FBXO11: variants seen among roughly 807,000 people sequenced by gnomAD.
FBXO11 encodes the protein F-box only protein 11.
A neutral mutation model predicts 117.0 loss-of-function variants in FBXO11; 13 were observed. The ratio of observed to expected loss-of-function variants is 0.11; its 90% CI spans 0.07 to 0.18. FBXO11 has a LOEUF of 0.18. Ranked by LOEUF, FBXO11 falls within the 10% of genes least tolerant of loss-of-function variation. FBXO11 has a pLI of 1.00. For synonymous variants in FBXO11, 490 were observed against 380.5 expected, an observed-to-expected ratio of 1.29 and a Z score of -3.35; for missense variants, 767 against 1,164.4, an observed-to-expected ratio of 0.66 and a Z score of 4.97.
At chr2:47,830,267 A>G (rs1472128063) in intron 11 of FBXO11, among the ~76,000 whole-genome samples, 2 of 152,194 alleles carry the variant, frequency 1.3e-5, no homozygotes, top group African/African-American at 2.4e-5. Flanking sequence ...ACAATAGAAA[A>G]ATGTCTACAG....
At chr2:47,854,515 A>G (rs1213979717) in intron 1 of FBXO11, among the ~76,000 whole-genome samples, 1 of 151,994 alleles carries the variant, frequency 6.6e-6, no homozygotes, top group Non-Finnish European at 1.5e-5. Flanking sequence ...TAAATAAATA[A>G]ATAAATAATA....
At chr2:47,863,202 T>A (rs1674925443) in intron 1 of FBXO11, among the ~76,000 whole-genome samples, 2 of 152,174 alleles carry the variant, frequency 1.3e-5, no homozygotes, top group South Asian at 4.1e-4. Flanking sequence ...TTAGGTTAGC[T>A]CAACATATAG....
chr2:47,846,020 T>A (rs1673380027), intron 1 of FBXO11, among the ~76,000 whole-genome samples: 1 of 152,056 alleles, frequency 6.6e-6, no homozygotes, highest in Admixed American at 6.6e-5. Context: ...AAAACAGACT[T>A]AGCATACATG....
At chr2:47,849,700 G>C (rs192340809) in intron 1 of FBXO11, among the ~76,000 whole-genome samples, 82 of 152,294 alleles carry the variant, frequency 5.4e-4, no homozygotes, top group African/African-American at 1.9e-3. Flanking sequence ...GGGTATTGGT[G>C]TAAGATTTTC....
chr2:47,841,509 G>A lies in FBXO11; in HGVS notation c.233-1740C>T, dbSNP rs1317501880. On this transcript the variant is annotated intron_variant, in intron 1 of 22. Coordinates refer to ENST00000403359, the MANE Select transcript of FBXO11 (RefSeq NM_001190274.2). ...GGCCAAAAACATCAAACCTGAATCCGATCAAACCTGTAAGAAACTCTACAG... is the reference window on the plus strand; with the variant it reads ...GGCCAAAAACATCAAACCTGAATCCAATCAAACCTGTAAGAAACTCTACAG... Among the ~76,000 whole-genome samples the A allele has an allele frequency of 8.5e-5, 13 of 152,172 alleles. No homozygotes were observed. In the East Asian group the frequency reaches 1.9e-3, roughly 23 times the overall value.
chr2:47,843,728 GCTGCTGCTT>G (rs890432484), intron 1 of FBXO11, among the ~76,000 whole-genome samples: 4 of 151,664 alleles, frequency 2.6e-5, no homozygotes, highest in African/African-American at 9.7e-5. Context: ...TTTTAGATTT[GCTGCTGCTT>G]CTTCTTCTTC....
chr2:47,880,139 G>C (rs1048701772), intron 1 of FBXO11, among the ~76,000 whole-genome samples: 1 of 152,030 alleles, frequency 6.6e-6, no homozygotes, highest in African/African-American at 2.4e-5. Context: ...GGGACCACAG[G>C]CACATGCCAT....
intron 1 of FBXO11, among the ~76,000 whole-genome samples, chr2:47,888,120 A>G (rs1677003145): frequency 1.3e-5 from 2 of 152,192 alleles, no homozygotes; most frequent in African/African-American, 4.8e-5. Flanking sequence ...TACACCGCTC[A>G]CTTCGCACTT....
intron 4 of FBXO11, among the ~76,000 whole-genome samples, chr2:47,838,405 G>T (rs755660810): frequency 6.8e-6 from 1 of 147,598 alleles, no homozygotes; most frequent in African/African-American, 2.7e-5. Flanking sequence ...TGTACATAAA[G>T]CAAAAAAAAC....
chr2:47,827,734 T>C (rs1264161537), intron 11 of FBXO11, among the ~76,000 whole-genome samples: 1 of 151,796 alleles, frequency 6.6e-6, no homozygotes, highest in Non-Finnish European at 1.5e-5. Context: ...AGTTTCACTG[T>C]CTCCTAGGCT....
chr2:47,876,921 T>C (rs1676047453), intron 1 of FBXO11, among the ~76,000 whole-genome samples: 1 of 152,224 alleles, frequency 6.6e-6, no homozygotes, highest in South Asian at 2.1e-4. Flanking sequence ...TATTCATTTT[T>C]TTTTTTCCAC....
At position 47,872,009 on chromosome 2, in the gene FBXO11, A is replaced by T. The variant is rs549043084; in HGVS notation, c.233-32240T>A. ...ATAACCTCCAGTTCTGACTTCACAA[A>T]TAACAGTAGCTTCTTTTATCCCTCT... is the stretch of plus-strand genomic sequence containing the variant. On this transcript the variant is annotated intron_variant, in intron 1 of 22. Transcript: ENST00000403359. 2.6e-4 allele frequency among the ~76,000 whole-genome samples: 39 copies of T among 152,316 alleles called. No homozygotes were observed. The South Asian group carries it at 3.3e-3, about 13-fold the overall frequency.
intron 1 of FBXO11, among the ~76,000 whole-genome samples, chr2:47,852,892 T>A (rs1673982008): frequency 6.6e-6 from 1 of 152,124 alleles, no homozygotes; most frequent in Non-Finnish European, 1.5e-5. Flanking sequence ...GGTCACACAG[T>A]ATTAAGCAGC....
chr2:47,876,943 T>C (rs1167367901), intron 1 of FBXO11, among the ~76,000 whole-genome samples: 1 of 152,120 alleles, frequency 6.6e-6, no homozygotes, highest in Admixed American at 6.5e-5. Flanking sequence ...TCTCTCTTAC[T>C]ACATTCTGGG....
In FBXO11 at chr2:47,891,927, T is replaced by C. The variant is rs556681954; in HGVS notation, c.232+13562A>G. ...CCATCTGTATGTCTTCTCTGGAGAA[T>C]GTCTATTGAAGTCTTTAGCTCATTT... On this transcript the variant is annotated intron_variant, in intron 1 of 22. Coordinates refer to ENST00000403359, the MANE Select transcript of FBXO11 (RefSeq NM_001190274.2). Among the ~76,000 whole-genome samples the C allele has an allele frequency of 9.2e-5, 14 of 152,334 alleles. No homozygotes were observed. In the South Asian group the frequency reaches 1.5e-3, roughly 16 times the overall value.
chr2:47,844,261 T>C (rs1028042203), intron 1 of FBXO11, among the ~76,000 whole-genome samples: 4 of 152,226 alleles, frequency 2.6e-5, no homozygotes, highest in Non-Finnish European at 5.9e-5. Flanking sequence ...ATCATTTCAC[T>C]CACATTTTAT....
chr2:47,894,642 T>C (rs892603195), intron 1 of FBXO11, among the ~76,000 whole-genome samples: 17 of 152,192 alleles, frequency 1.1e-4, no homozygotes, highest in African/African-American at 3.6e-4. Context: ...ATTAAGTTAG[T>C]GAATAAACTT....
At chr2:47,858,166 C>T (rs1306887675) in intron 1 of FBXO11, among the ~76,000 whole-genome samples, 1 of 151,818 alleles carries the variant, frequency 6.6e-6, no homozygotes, top group African/African-American at 2.4e-5. Flanking sequence ...AGTGCAGTGG[C>T]GTGATCTCAG....
In FBXO11 at chr2:47,820,450, G is replaced by A; in HGVS notation, c.1709C>T (p.Ala570Val). 1 of 1,611,688 alleles carries A rather than the reference G, an allele frequency of 6.2e-7. No individual in the cohort carries two copies. Among genetic ancestry groups the A allele is most frequent in the Non-Finnish European group, 8.5e-7 (1 of 1,178,242 alleles). Residue 570 changes from alanine (A) to valine (V), a missense_variant, in exon 14 of 23, where the codon GCA (alanine) becomes GTA (valine). Physicochemically the swap from Ala to Val is moderately conservative, Grantham distance 64. Around this residue, in one of 10 missense-constraint regions of FBXO11, gnomAD observed 67 missense variants for 148.8 expected, o/e 0.45. Coordinates refer to ENST00000403359, the MANE Select transcript of FBXO11 (RefSeq NM_001190274.2). Reference sequence around the variant, plus strand: ...TGTCCTAATTTGAATTCCTGCTAATGCATTGCCTATTTAAAAATAAAAGTT... The same window carrying A: ...TGTCCTAATTTGAATTCCTGCTAATACATTGCCTATTTAAAAATAAAAGTT... Reference protein sequence around the residue: ...LIEGNDIYGNALAGIQIRTNS... With the variant: ...LIEGNDIYGNVLAGIQIRTNS...
Sources: gnomAD v4.1 joint callset for allele counts (sites outside exome capture counted in the v4.1 genomes callset) on GRCh38, gnomAD v4.1.1 for gene constraint, gnomAD v4.1.1 regional missense constraint, MANE v1.5 for transcripts, NCBI Gene and HGNC (gene_info 2026-07-23, HGNC 2026-07-21) for gene names.